PLEKHA6: variants seen among roughly 807,000 people sequenced by gnomAD.
PLEKHA6 encodes pleckstrin homology domain-containing family A member 6.
Under a neutral mutation model 116.7 loss-of-function variants are expected in PLEKHA6, and 60 were observed. The ratio of observed to expected loss-of-function variants is 0.51; its 90% confidence interval spans 0.42 to 0.64. PLEKHA6 has a LOEUF of 0.64. PLEKHA6 is among the 30% of genes least tolerant of loss of function. The pLI is 0.00. For missense variants in PLEKHA6, 1,338 were observed against 1,422.7 expected (o/e 0.94, Z 0.96); for synonymous variants, 489 against 556.1 (o/e 0.88, Z 1.70).
At chr1:204,266,864 C>T (rs1358655508) in intron 5 of PLEKHA6, among the ~76,000 whole-genome samples, 1 of 152,188 alleles carries the variant, frequency 6.6e-6, no homozygotes, top group Admixed American at 6.5e-5. Context: ...TCAACCCTTG[C>T]TGGTGCCCTC....
chr1:204,370,623 GC>G (rs1291753119), intron 2 of PLEKHA6, among the ~76,000 whole-genome samples: 1 of 152,124 alleles, frequency 6.6e-6, no homozygotes, highest in Non-Finnish European at 1.5e-5. Context: ...TTTCCCACTA[GC>G]CCTGAGGGCT....
Position 204,257,572 on chromosome 1 carries a change from A to G in PLEKHA6, c.1305T>C (p.Asp435=). 6.2e-7 allele frequency: 1 copy of G among 1,606,242 alleles called. No individual in the cohort carries two copies. Among genetic ancestry groups the G allele is most frequent in the Non-Finnish European group, 8.5e-7 (1 of 1,175,924 alleles). Reference sequence around the variant, plus strand: ...GGGAGCTAGAGGCGGCATCCAGCTCATCATAATAGACTGGCTGCCGGGAGG... The same window carrying G: ...GGGAGCTAGAGGCGGCATCCAGCTCGTCATAATAGACTGGCTGCCGGGAGG... ...PSPSRQPVYY[D]ELDAASSSLR... is the part of the protein sequence containing the mutation. The change falls in exon 9 of 23, where the codon GAT becomes GAC. Residue 435 remains aspartate, a synonymous_variant. Coordinates refer to ENST00000272203, the MANE Select transcript of PLEKHA6 (RefSeq NM_014935.5). This position sits in a 1 kb window ranked among gnomAD's most constrained non-coding sequence, Gnocchi z 6.5.
At chr1:204,320,233 G>C (rs920919267) in intron 1 of PLEKHA6, among the ~76,000 whole-genome samples, 1 of 152,182 alleles carries the variant, frequency 6.6e-6, no homozygotes, top group Admixed American at 6.5e-5. Flanking sequence ...GCTCGGTGCT[G>C]TCTTGGGTGA....
intron 21 of PLEKHA6, among the ~76,000 whole-genome samples, chr1:204,227,280 T>C (rs1488230550): frequency 6.6e-6 from 1 of 152,154 alleles, no homozygotes; most frequent in Non-Finnish European, 1.5e-5. Context: ...AAGCTCTCAC[T>C]CTCACTCTAC....
chr1:204,320,500 A>G, intron 1 of PLEKHA6: 1 of 983,190 alleles, frequency 1.0e-6, no homozygotes, highest in Non-Finnish European at 1.2e-6. Flanking sequence ...TGGTGCCTGC[A>G]TGACTCAGGG....
rs1426768381 is a variant in PLEKHA6 at position 204,228,885 on chromosome 1, C to G, written c.2752-24G>C. On this transcript the variant is annotated intron_variant, in intron 19 of 22. Coordinates refer to ENST00000272203, the MANE Select transcript of PLEKHA6 (RefSeq NM_014935.5). The surrounding 1 kb of genome is among the most constrained non-coding windows in gnomAD (Gnocchi z 4.0). ...AGCTATGGAGGGGCTGGGGTCACCACCTCTGTCCCTTCCCAGAGTCTCCCA... is the reference window on the plus strand; with the variant it reads ...AGCTATGGAGGGGCTGGGGTCACCAGCTCTGTCCCTTCCCAGAGTCTCCCA... 5.6e-6 allele frequency: 9 copies of G among 1,613,964 alleles called. No individual in the cohort carries two copies. The highest frequency in any genetic ancestry group is 7.6e-6 in the Non-Finnish European group (9 of 1,179,976).
intron 1 of PLEKHA6, among the ~76,000 whole-genome samples, chr1:204,328,051 TTTATTTA>T (rs1379082710): frequency 1.6e-3 from 6 of 3,672 alleles, no homozygotes; most frequent in East Asian, 9.4e-3. Flanking sequence ...ATTTATTTTA[TTTATTTA>T]TTTATTTATT....
upstream of PLEKHA6, among the ~76,000 whole-genome samples, chr1:204,362,801 C>G (rs1180183540): frequency 1.3e-5 from 2 of 152,202 alleles, no homozygotes; most frequent in Non-Finnish European, 2.9e-5. Flanking sequence ...CCTGCCTCAG[C>G]CTACTGAGTT....
chr1:204,228,117 CG>C lies in PLEKHA6; in HGVS notation c.2996del (p.Ala999GlyfsTer53). The C allele has an allele frequency of 6.2e-7, 1 of 1,612,812 alleles. No homozygotes were observed. The highest frequency in any genetic ancestry group is 8.5e-7 in the Non-Finnish European group (1 of 1,179,280). ...TGCGGCCCCTGCGGGAGGCCTCGGT[CG>C]CCAGGGCGCAGGAGATTTCAATCCG... Reference protein sequence around the residue: ...EKRIEISCALATEASRRGRML... With the variant: ...EKRIEISCALXTEASRRGRML... On this transcript the variant is annotated frameshift_variant, in exon 21 of 23. Coordinates refer to ENST00000272203, the MANE Select transcript of PLEKHA6 (RefSeq NM_014935.5). LOFTEE classifies it high-confidence loss of function. This position sits in a 1 kb window ranked among gnomAD's most constrained non-coding sequence, Gnocchi z 4.0.
At chr1:204,246,121 T>C (rs535259218) in intron 13 of PLEKHA6, among the ~76,000 whole-genome samples, 1 of 152,304 alleles carries the variant, frequency 6.6e-6, no homozygotes, top group South Asian at 2.1e-4. Flanking sequence ...AACAGCCCTT[T>C]TCTAATACCC....
At chr1:204,282,923 C>G in intron 1 of PLEKHA6, 1 of 411,086 alleles carries the variant, frequency 2.4e-6, no homozygotes, top group South Asian at 1.0e-4. Context: ...CCCCAGCCCC[C>G]TCGCCTCCAA....
intron 9 of PLEKHA6, among the ~76,000 whole-genome samples, chr1:204,254,998 A>C (rs1356840352): frequency 1.3e-5 from 2 of 152,200 alleles, no homozygotes; most frequent in East Asian, 3.8e-4. Context: ...CAGCTCATGG[A>C]ACATTCACTG....
chr1:204,370,431 A>G (rs1673751689), intron 2 of PLEKHA6, among the ~76,000 whole-genome samples: 1 of 152,200 alleles, frequency 6.6e-6, no homozygotes, highest in East Asian at 1.9e-4. Context: ...GGGGAGAGAT[A>G]TCTCCCCGCA....
intron 3 of PLEKHA6, among the ~76,000 whole-genome samples, chr1:204,272,562 T>C (rs1330641388): frequency 6.6e-6 from 1 of 152,188 alleles, no homozygotes; most frequent in East Asian, 1.9e-4. Context: ...ATGATCATCA[T>C]TTCATGTTGT....
chr1:204,267,286 G>A (rs1001494169), intron 5 of PLEKHA6, among the ~76,000 whole-genome samples, 189 bp downstream of exon 5: 80 of 152,236 alleles, frequency 5.3e-4, no homozygotes, highest in Non-Finnish European at 1.1e-3. Context: ...CTGAATGGGT[G>A]AGTAAGTGAG....
chr1:204,265,937 C>T (rs1000524004), intron 5 of PLEKHA6, among the ~76,000 whole-genome samples: 6 of 152,092 alleles, frequency 3.9e-5, no homozygotes, highest in East Asian at 1.9e-4. Context: ...CAAGAAAGGG[C>T]GGGGAGTGCT....
chr1:204,250,399 A>C, intron 10 of PLEKHA6, 147 bp downstream of exon 10: 1 of 654,966 alleles, frequency 1.5e-6, no homozygotes. Flanking sequence ...GACATGAATC[A>C]AAGGTATGAA....
chr1:204,344,599 CAAAAAA>C (rs58633345), intron 1 of PLEKHA6, among the ~76,000 whole-genome samples: 9 of 121,636 alleles, frequency 7.4e-5, no homozygotes, highest in Non-Finnish European at 6.8e-5. Flanking sequence ...GACTCCATCT[CAAAAAA>C]AAAAAAAAAA....
chr1:204,243,890 G>A (rs11805659), intron 15 of PLEKHA6, among the ~76,000 whole-genome samples: 78,535 of 151,874 alleles, frequency 0.52, 20,927 homozygotes, highest in African/African-American at 0.66. Context: ...GCGCAATCTC[G>A]GCTCACTGCA....
Sources: gnomAD v4.1 joint callset for allele counts (sites outside exome capture counted in the v4.1 genomes callset) on GRCh38, gnomAD v4.1.1 for gene constraint, Gnocchi (gnomAD v3.1) non-coding constraint, MANE v1.5 for transcripts, NCBI Gene and HGNC (gene_info 2026-07-23, HGNC 2026-07-21) for gene names.